UST: variants seen among roughly 807,000 people sequenced by gnomAD.
The protein encoded by UST is uronyl 2-sulfotransferase, also known as chondroitin sulfate 2-O-sulfotransferase.
A neutral mutation model predicts 45.6 loss-of-function variants in UST; 21 were observed. The observed-to-expected ratio is 0.46, with a 90% confidence interval of 0.33 to 0.66. The LOEUF (loss-of-function observed/expected upper bound fraction) is 0.66, where lower values mean the gene tolerates loss of function less well. Among genes scored for constraint, UST ranks in the 30% least tolerant of loss-of-function variants. The pLI is 0.02. For synonymous variants in UST, 215 were observed against 200.6 expected (o/e 1.07, Z -0.61); for missense variants, 463 against 512.4 (o/e 0.90, Z 0.93).
Position 148,798,098 on chromosome 6 carries a change from C to T in UST, c.247+50421C>T, listed in dbSNP as rs374259784. ...AAGAGATTGAGGTGGAGGCTGGGGGCAGATATACAAGTAATCCAGCCCAGA... is the reference window on the plus strand; with the variant it reads ...AAGAGATTGAGGTGGAGGCTGGGGGTAGATATACAAGTAATCCAGCCCAGA... On this transcript the variant is annotated intron_variant, in intron 1 of 7. Transcript: ENST00000367463. Among the ~76,000 whole-genome samples the T allele has an allele frequency of 3.1e-4, 47 of 152,178 alleles. No individual in the cohort carries two copies. In the East Asian group the frequency reaches 7.5e-3, roughly 24 times the overall value.
chr6:148,802,509 C>T (rs1274040181), intron 1 of UST, among the ~76,000 whole-genome samples: 1 of 152,178 alleles, frequency 6.6e-6, no homozygotes, highest in African/African-American at 2.4e-5. Context: ...TGCAGCAACT[C>T]AATTCAAAAT....
At chr6:148,881,423 T>C (rs998576929) in intron 1 of UST, among the ~76,000 whole-genome samples, 1 of 152,156 alleles carries the variant, frequency 6.6e-6, no homozygotes, top group Admixed American at 6.5e-5. Context: ...TCTAAAGGTA[T>C]AGGTTACTTT....
intron 5 of UST, among the ~76,000 whole-genome samples, chr6:148,981,909 A>G (rs1781143723): frequency 6.6e-6 from 1 of 152,178 alleles, no homozygotes. Context: ...TGGGTAATTT[A>G]TAAAGAAAAG....
intron 3 of UST, among the ~76,000 whole-genome samples, chr6:148,949,425 T>C (rs1317524793): frequency 1.5e-5 from 1 of 65,886 alleles, no homozygotes; most frequent in Admixed American, 1.8e-4. Context: ...ATAATAATAA[T>C]AATAATAATA....
At chr6:148,796,797 C>CTTTT (rs1195878764) in intron 1 of UST, among the ~76,000 whole-genome samples, 54 of 72,078 alleles carry the variant, frequency 7.5e-4, no homozygotes, top group Non-Finnish European at 9.7e-4. Context: ...TCTGATAATT[C>CTTTT]TTTTTTTTTT....
chr6:149,064,121 A>G (rs1438022843), intron 7 of UST, among the ~76,000 whole-genome samples: 3 of 152,196 alleles, frequency 2.0e-5, no homozygotes, highest in East Asian at 1.9e-4. Flanking sequence ...CTGACCAAAC[A>G]GAAGAAATGT....
chr6:148,772,085 C>T (rs1480130623), intron 1 of UST, among the ~76,000 whole-genome samples: 1 of 152,242 alleles, frequency 6.6e-6, no homozygotes, highest in African/African-American at 2.4e-5. Context: ...TATCAAACCA[C>T]AGCTCAGTGG....
At chr6:149,029,166 G>T (rs1385735694) in intron 7 of UST, among the ~76,000 whole-genome samples, 1 of 151,892 alleles carries the variant, frequency 6.6e-6, no homozygotes, top group Non-Finnish European at 1.5e-5. Flanking sequence ...ATATGAAAAG[G>T]ATTCCAAGTC....
intron 3 of UST, among the ~76,000 whole-genome samples, chr6:148,946,536 G>A (rs1780241777): frequency 2.2e-5 from 2 of 91,616 alleles, no homozygotes. Flanking sequence ...AAAAGGCCGG[G>A]TGCGGTGGCT....
At chr6:148,995,909 T>C (rs1732572342) in intron 5 of UST, among the ~76,000 whole-genome samples, 1 of 152,178 alleles carries the variant, frequency 6.6e-6, no homozygotes, top group Admixed American at 6.5e-5. Context: ...ATTCATGCAT[T>C]CACATGACCT....
intron 1 of UST, among the ~76,000 whole-genome samples, chr6:148,871,155 C>CCT (rs1159397468): frequency 6.2e-5 from 3 of 48,594 alleles, no homozygotes; most frequent in African/African-American, 1.5e-4. Context: ...TCCCTCTCTC[C>CCT]CTCTCTCTCT....
chr6:148,809,123 A>G (rs757639723), intron 1 of UST, among the ~76,000 whole-genome samples: 1 of 152,172 alleles, frequency 6.6e-6, no homozygotes, highest in African/African-American at 2.4e-5. Flanking sequence ...CCTGTCACCA[A>G]CTCAAACCTC....
intron 1 of UST, among the ~76,000 whole-genome samples, chr6:148,863,193 T>C (rs1037138327): frequency 1.7e-4 from 26 of 152,160 alleles, no homozygotes; most frequent in Non-Finnish European, 3.2e-4. Context: ...GCTTTGTTCG[T>C]TTATTTTTAC....
chr6:149,076,486 A>C lies in UST; in HGVS notation c.*2370A>C, dbSNP rs556408633. Reference sequence around the variant, plus strand: ...TTTCTTTTCAGCAGTGATCATTATAACTTCACAAAAAAAGATGCTGACGGA... The same window carrying C: ...TTTCTTTTCAGCAGTGATCATTATACCTTCACAAAAAAAGATGCTGACGGA... On this transcript the variant is annotated 3_prime_UTR_variant, in exon 8 of 8. Coordinates refer to ENST00000367463, the MANE Select transcript of UST (RefSeq NM_005715.3). 1 of 152,396 alleles carries C rather than the reference A, an allele frequency of 6.6e-6. No homozygotes were observed. The highest frequency in any genetic ancestry group is 2.1e-4 in the South Asian group (1 of 4,818). 9.4% of individuals were successfully genotyped at this position (152,396 alleles called of 1,614,324 possible). A position where few individuals can be genotyped will look rare whatever the true frequency, so the allele number is the denominator to read the frequency against.
chr6:148,962,058 T>C (rs1390135293), intron 4 of UST, among the ~76,000 whole-genome samples: 1 of 152,240 alleles, frequency 6.6e-6, no homozygotes, highest in Non-Finnish European at 1.5e-5. Context: ...CAACCATTAT[T>C]GCCTTCTGCA....
intron 5 of UST, chr6:149,005,344 T>C (rs1781626347): frequency 1.0e-5 from 10 of 985,242 alleles, no homozygotes; most frequent in Admixed American, 6.2e-5. Context: ...GCCCTGGCTG[T>C]AGAGGAAAGA....
intron 1 of UST, among the ~76,000 whole-genome samples, chr6:148,775,639 T>G (rs114331886): frequency 0.34 from 51,757 of 150,786 alleles, 8,928 homozygotes; most frequent in Non-Finnish European, 0.36. Flanking sequence ...TTTTTTTTTT[T>G]GGGGCGGGGA....
intron 7 of UST, among the ~76,000 whole-genome samples, chr6:149,057,534 T>C (rs1776581982): frequency 6.6e-6 from 1 of 152,200 alleles, no homozygotes; most frequent in Non-Finnish European, 1.5e-5. Flanking sequence ...GAAGCTGCCA[T>C]TGACCTTAGG....
chr6:149,057,241 A>G (rs1159051766), intron 7 of UST, among the ~76,000 whole-genome samples: 1 of 152,194 alleles, frequency 6.6e-6, no homozygotes, highest in African/African-American at 2.4e-5. Flanking sequence ...GTAATTTGCT[A>G]AGAATTTCAA....
Sources: allele counts gnomAD v4.1 joint callset (sites outside exome capture counted in the v4.1 genomes callset), GRCh38; gene constraint gnomAD v4.1.1; transcripts MANE v1.5; gene names NCBI Gene and HGNC (gene_info 2026-07-23, HGNC 2026-07-21).